Variants in PMS2 observed in about 807,000 individuals in gnomAD.
PMS2 encodes PMS1 homolog 2, mismatch repair system component, also known as mismatch repair endonuclease PMS2.
In PMS2, 69 loss-of-function variants were observed where a neutral mutation model predicts 90.0. The ratio of observed to expected loss-of-function variants is 0.77; its 90% CI spans 0.63 to 0.94. The LOEUF (loss-of-function observed/expected upper bound fraction) is 0.94. Among genes scored for constraint, PMS2 ranks in the 40% least tolerant of loss-of-function variants. PMS2 has a pLI of 0.00. For synonymous variants in PMS2, 332 were observed against 375.1 expected (o/e 0.89, Z 1.33); for missense variants, 966 against 1,040.2 (o/e 0.93, Z 0.98).
At chr7:6,006,185 T>A in intron 1 of PMS2, 154 bp from the exon 2 acceptor site, 1 of 868,738 alleles carries the variant, frequency 1.2e-6, no homozygotes, top group Non-Finnish European at 1.8e-6. Flanking sequence ...TATCCAGAAA[T>A]AGAAACACTG....
chr7:5,993,914 C>T (rs901509950), intron 8 of PMS2, among the ~76,000 whole-genome samples: 2 of 142,822 alleles, frequency 1.4e-5, no homozygotes, highest in South Asian at 2.3e-4. Context: ...TGTAATCAGT[C>T]TATACTGAAA....
chr7:5,993,399 GA>G (rs67771829), intron 8 of PMS2, among the ~76,000 whole-genome samples: 24 of 99,992 alleles, frequency 2.4e-4, no homozygotes, highest in African/African-American at 8.7e-4. Flanking sequence ...AAGAAAGAAA[GA>G]AAAAAAAACA....
chr7:5,976,129 G>C (rs796489744), intron 14 of PMS2, among the ~76,000 whole-genome samples: 1 of 141,854 alleles, frequency 7.0e-6, no homozygotes, highest in African/African-American at 2.5e-5. Flanking sequence ...CCAGCTACTT[G>C]GGAGGCTGAG....
At chr7:5,991,489 C>G (rs1192003972) in intron 9 of PMS2, among the ~76,000 whole-genome samples, 1 of 151,400 alleles carries the variant, frequency 6.6e-6, no homozygotes, top group East Asian at 1.9e-4. Context: ...TTACATTTTC[C>G]TAACAATATA....
chr7:5,989,548 A>G (rs1162651685), intron 10 of PMS2, among the ~76,000 whole-genome samples: 2 of 151,986 alleles, frequency 1.3e-5, no homozygotes, highest in Admixed American at 6.6e-5. Flanking sequence ...AGGTACTTGG[A>G]GGCAGCTACT....
chr7:5,978,508 C>T lies in PMS2; in HGVS notation c.2275+88G>A, dbSNP rs1196103542. On this transcript the variant is annotated intron_variant, in intron 13 of 14. Coordinates refer to ENST00000265849, the MANE Select transcript of PMS2 (RefSeq NM_000535.7). ...CTGGTCTCAAACTCCTGACCTCAGG[C>T]GATCTGCCCGCCTTGGCCTCCCAGA... 5.6e-5 allele frequency: 70 copies of T among 1,239,204 alleles called. 1 individual carries two copies. The highest frequency in any genetic ancestry group is 7.6e-5 in the Admixed American group (4 of 52,926). The allele number at this position is 1,239,204 out of a possible 1,614,324, so 76.8% of individuals were successfully genotyped here. A position where few individuals can be genotyped will look rare whatever the true frequency, so the allele number is the denominator to read the frequency against.
At chr7:6,000,611 G>A (rs1049221967) in intron 5 of PMS2, among the ~76,000 whole-genome samples, 1 of 151,950 alleles carries the variant, frequency 6.6e-6, no homozygotes, top group Non-Finnish European at 1.5e-5. Flanking sequence ...TTCTGCTAAG[G>A]CACTAATTTT....
intron 11 of PMS2, among the ~76,000 whole-genome samples, chr7:5,985,505 G>A (rs7811924): frequency 0.12 from 18,697 of 151,286 alleles, 1,735 homozygotes; most frequent in African/African-American, 0.26. Flanking sequence ...TACTATCCTA[G>A]GGAAGAGGGA....
At position 5,997,361 on chromosome 7, in the gene PMS2, AC is replaced by A; in HGVS notation, c.767del (p.Gly256ValfsTer2). The A allele has an allele frequency of 6.2e-7, 1 of 1,604,716 alleles. No individual in the cohort carries two copies. ...PPSDSVCEEY[G>X]LSCSDALHNL... ...TATGCAGAGCATCGGAACAGCTCAAACCGTACTCTTCACACACGGAGTCACT... is the reference window on the plus strand; with the variant it reads ...TATGCAGAGCATCGGAACAGCTCAAACGTACTCTTCACACACGGAGTCACT... On this transcript the variant is annotated frameshift_variant, in exon 7 of 15. Transcript: ENST00000265849. LOFTEE classifies it high-confidence loss of function.
At chr7:5,989,992 A>C in intron 9 of PMS2, 37 bp from the exon 10 acceptor site, 1 of 1,296,112 alleles carries the variant, frequency 7.7e-7, no homozygotes, top group African/African-American at 1.5e-5. Flanking sequence ...TTATGTTTAA[A>C]TTCACTTTTA....
chr7:5,985,707 C>T (rs1388523258), intron 11 of PMS2, among the ~76,000 whole-genome samples: 9 of 150,124 alleles, frequency 6.0e-5, no homozygotes, highest in Non-Finnish European at 7.4e-5. Context: ...GCATGCACCA[C>T]CATATCCCAC....
At chr7:5,981,717 G>T (rs1163618373) in intron 12 of PMS2, among the ~76,000 whole-genome samples, 1 of 151,672 alleles carries the variant, frequency 6.6e-6, no homozygotes, top group Non-Finnish European at 1.5e-5. Flanking sequence ...ATTTTTAATA[G>T]CGAAAAATAC....
rs1487122007 is a variant in PMS2 at position 5,986,893 on chromosome 7, A to G, written c.1872T>C (p.Ser624=). Reference sequence around the variant, plus strand: ...GTAACTGCTTTATTCGTTTAGCTAAAGAACTCATAGAAAAGTCCAGGGGCA... The same window carrying G: ...GTAACTGCTTTATTCGTTTAGCTAAGGAACTCATAGAAAAGTCCAGGGGCA... The part of the protein sequence containing the change: ...KVVPLDFSMS[S]LAKRIKQLHH... Residue 624 remains serine (S), a synonymous_variant, in exon 11 of 15, where the codon TCT becomes TCC. Transcript: ENST00000265849. 6.2e-7 allele frequency: 1 copy of G among 1,614,170 alleles called. No homozygotes were observed. The highest frequency in any genetic ancestry group is 8.5e-7 in the Non-Finnish European group (1 of 1,180,044).
rs1173245928 is a variant in PMS2, at chr7:5,997,389, G to C, written c.740C>G (p.Pro247Arg). ...QSLIPFVQLP[P>R]SDSVCEEYGL... The stretch of plus-strand genomic sequence containing the variant: ...GTACTCTTCACACACGGAGTCACTA[G>C]GGGGCAGCTGAACAAAAGGAATGAG... The change falls in exon 7 of 15, where the codon CCT (proline) becomes CGT (arginine). Residue 247 changes from proline (P) to arginine (R), a missense_variant. This residue lies in a region of PMS2 where 871 missense variants were observed against 802.4 expected (regional missense o/e 1.09). Transcript: ENST00000265849. The C allele has an allele frequency of 6.2e-7, 1 of 1,604,440 alleles. No homozygotes were observed. The highest frequency in any genetic ancestry group is 1.4e-5 in the African/African-American group (1 of 73,974).
chr7:5,989,934 G>GT lies in PMS2; in HGVS notation c.1009dup (p.Thr337AsnfsTer4), dbSNP rs1214597671. 1 of 1,608,838 alleles carries GT rather than the reference G, an allele frequency of 6.2e-7. No individual in the cohort carries two copies. Among genetic ancestry groups the GT allele is most frequent in the Non-Finnish European group, 8.5e-7 (1 of 1,176,174 alleles). On this transcript the variant is annotated frameshift_variant, in exon 10 of 15. Transcript: ENST00000265849. LOFTEE classifies it high-confidence loss of function. ...TAGCAAAATTTGCCTTTTATCTGGA[G>GT]TAACATTGATATCAACGCATTCTAA... is the stretch of plus-strand genomic sequence containing the variant.
At chr7:5,992,586 C>T (rs1475010872) in intron 8 of PMS2, among the ~76,000 whole-genome samples, 1 of 152,270 alleles carries the variant, frequency 6.6e-6, no homozygotes, top group East Asian at 1.9e-4. Context: ...TCCCAAAGTG[C>T]TGGGATTATA....
At position 5,981,529 on chromosome 7, in the gene PMS2, T is replaced by C. The variant is rs533722835; in HGVS notation, c.2174+1295A>G. ...CCAAAGCTCTGGGATTACAGGCGTG[T>C]GCCCCTGCATCCAACCTGCAGTGAC... On this transcript the variant is annotated intron_variant, in intron 12 of 14. Coordinates refer to ENST00000265849, the MANE Select transcript of PMS2 (RefSeq NM_000535.7). Among the ~76,000 whole-genome samples the C allele has an allele frequency of 1.9e-3, 278 of 149,754 alleles. 1 individual carries two copies. The highest frequency in any genetic ancestry group is 2.8e-3 in the Non-Finnish European group (189 of 67,618).
rs2128683125 is a variant in PMS2 at position 5,978,656 on chromosome 7, G to A, written c.2215C>T (p.Leu739=). 6.2e-7 allele frequency: 1 copy of A among 1,603,314 alleles called. No homozygotes were observed. Among genetic ancestry groups the A allele is most frequent in the South Asian group, 1.1e-5 (1 of 90,568 alleles). Residue 739 remains leucine, a synonymous_variant, in exon 13 of 15, where the codon CTG becomes TTG. Transcript: ENST00000265849. ...CTAAATATTTCCAGATTTTCTATCA[G>A]AACAGCTTCATTAACAGCAGTTAAG... The part of the protein sequence containing the change: ...LNLTAVNEAV[L]IENLEIFRKN...
rs369878801 is a variant in PMS2, at chr7:5,982,714, G to A, written c.2174+110C>T. ...TAAAGTAGATACAAGGTCTTGCTGT[G>A]TTGTCCGGGCTGGTCTCAAACTCCT... On this transcript the variant is annotated intron_variant, in intron 12 of 14. Transcript: ENST00000265849. The A allele has an allele frequency of 1.3e-4, 200 of 1,502,436 alleles. No homozygotes were observed. The East Asian group carries it at 3.7e-3, about 28-fold the overall frequency. The allele number at this position is 1,502,436 out of a possible 1,614,324, so 93.1% of individuals were successfully genotyped here.
Sources: allele counts gnomAD v4.1 joint callset (sites outside exome capture counted in the v4.1 genomes callset), GRCh38; gene constraint gnomAD v4.1.1; regional missense constraint gnomAD v4.1.1; transcripts MANE v1.5; gene names NCBI Gene and HGNC (gene_info 2026-07-23, HGNC 2026-07-21).